Variants in ELP3 observed in about 807,000 individuals in gnomAD.
The protein encoded by ELP3 is elongator complex protein 3.
Under a neutral mutation model 74.9 loss-of-function variants are expected in ELP3, and 56 were observed. That is an observed-to-expected ratio of 0.75 (90% CI 0.60 to 0.93). The LOEUF is 0.93. Ranked by LOEUF, ELP3 falls within the 40% of genes least tolerant of loss-of-function variation. The pLI is 0.00. For missense variants in ELP3, 573 were observed against 686.5 expected, an observed-to-expected ratio of 0.83 and a Z score of 1.85; for synonymous variants, 222 against 239.8, an observed-to-expected ratio of 0.93 and a Z score of 0.68.
At chr8:28,149,051 A>C (rs1813542465) in intron 10 of ELP3, among the ~76,000 whole-genome samples, 1 of 152,226 alleles carries the variant, frequency 6.6e-6, no homozygotes, top group South Asian at 2.1e-4. Flanking sequence ...AGAAGGCACC[A>C]TCTGTGAGAA....
intron 14 of ELP3, among the ~76,000 whole-genome samples, chr8:28,176,585 A>C (rs1814765090): frequency 6.6e-6 from 1 of 152,214 alleles, no homozygotes; most frequent in East Asian, 1.9e-4. Flanking sequence ...TAAGTATCTT[A>C]CCAAGTTCCA....
chr8:28,136,717 T>G (rs1001465147), intron 9 of ELP3, among the ~76,000 whole-genome samples: 3 of 152,182 alleles, frequency 2.0e-5, no homozygotes, highest in Non-Finnish European at 4.4e-5. Context: ...GTGGCAAAGA[T>G]AAAAAGTATT....
At chr8:28,131,269 G>T (rs1812777603) in intron 8 of ELP3, among the ~76,000 whole-genome samples, 1 of 152,330 alleles carries the variant, frequency 6.6e-6, no homozygotes, top group East Asian at 1.9e-4. Context: ...TTGCTTTAGA[G>T]CAGGGCTAGG....
chr8:28,142,815 G>C (rs141268281), intron 10 of ELP3, among the ~76,000 whole-genome samples: 3 of 151,864 alleles, frequency 2.0e-5, no homozygotes, highest in Non-Finnish European at 4.4e-5. Flanking sequence ...TGTAGTTTTG[G>C]TGCTTTTAAC....
intron 3 of ELP3, among the ~76,000 whole-genome samples, chr8:28,105,231 A>T (rs1811641690): frequency 6.6e-6 from 1 of 151,922 alleles, no homozygotes; most frequent in African/African-American, 2.4e-5. Flanking sequence ...AAAAAAAAAA[A>T]TACAAAAAAT....
chr8:28,163,524 C>CT (rs3081780), intron 14 of ELP3, among the ~76,000 whole-genome samples: 149 of 137,922 alleles, frequency 1.1e-3, no homozygotes, highest in Middle Eastern at 4.1e-3. Context: ...ATTCCTAAAG[C>CT]TTTTTTTTTT....
chr8:28,187,209 T>C (rs1815275728), intron 14 of ELP3, among the ~76,000 whole-genome samples: 1 of 152,152 alleles, frequency 6.6e-6, no homozygotes, highest in African/African-American at 2.4e-5. Context: ...AGGCTCTGGG[T>C]ACTTTTCACC....
chr8:28,156,660 C>T (rs1198096706), intron 11 of ELP3, among the ~76,000 whole-genome samples: 5 of 152,088 alleles, frequency 3.3e-5, no homozygotes, highest in African/African-American at 9.7e-5. Flanking sequence ...GACCAAGGGC[C>T]GACTCCTGGG....
At chr8:28,120,381 C>A (rs952385562) in intron 7 of ELP3, among the ~76,000 whole-genome samples, 1 of 152,110 alleles carries the variant, frequency 6.6e-6, no homozygotes, top group Non-Finnish European at 1.5e-5. Flanking sequence ...GAGTATATTT[C>A]CTTTGTGAAG....
chr8:28,092,236 T>C (rs1246510896), upstream of ELP3, among the ~76,000 whole-genome samples: 7 of 152,128 alleles, frequency 4.6e-5, no homozygotes, highest in Non-Finnish European at 1.0e-4. Flanking sequence ...TTTTTGTTGT[T>C]GTTGTTGTTG....
intron 12 of ELP3, among the ~76,000 whole-genome samples, chr8:28,159,631 C>T (rs982862726): frequency 1.3e-5 from 2 of 152,190 alleles, no homozygotes; most frequent in African/African-American, 4.8e-5. Flanking sequence ...AGACTGCTAC[C>T]ACAAAGCTTC....
intron 10 of ELP3, among the ~76,000 whole-genome samples, chr8:28,138,909 T>C (rs1445694479): frequency 6.6e-6 from 1 of 152,238 alleles, no homozygotes; most frequent in Non-Finnish European, 1.5e-5. Context: ...GAGATTTTAA[T>C]AGAAAAATCA....
chr8:28,106,777 T>C lies in ELP3; in HGVS notation c.323T>C (p.Ile108Thr). ...RCPHISFTGN[I>T]CVYCPGGPDS... is the part of the protein sequence containing the mutation. ...CCACACATCAGTTTTACAGGAAATA[T>C]ATGTGTGTAAGTATGGTGATTTTAT... The change falls in exon 4 of 15, where the codon ATA becomes ACA. Residue 108 changes from isoleucine to threonine, a missense_variant. Transcript: ENST00000256398. The C allele has an allele frequency of 6.2e-7, 1 of 1,611,536 alleles. No individual in the cohort carries two copies. Among genetic ancestry groups the C allele is most frequent in the Non-Finnish European group, 8.5e-7 (1 of 1,178,828 alleles).
At chr8:28,104,617 T>C (rs926352654) in intron 3 of ELP3, among the ~76,000 whole-genome samples, 57 of 152,228 alleles carry the variant, frequency 3.7e-4, no homozygotes, top group African/African-American at 1.3e-3. Context: ...TTGTAGCACG[T>C]CCCTCAGTGT....
intron 7 of ELP3, among the ~76,000 whole-genome samples, chr8:28,115,875 A>G (rs915833524): frequency 2.6e-5 from 4 of 152,170 alleles, no homozygotes; most frequent in Non-Finnish European, 5.9e-5. Context: ...TACCACCCTC[A>G]GGCTTTTCTC....
At chr8:28,175,819 T>TC (rs1320300912) in intron 14 of ELP3, among the ~76,000 whole-genome samples, 1 of 145,624 alleles carries the variant, frequency 6.9e-6, no homozygotes, top group Non-Finnish European at 1.5e-5. Context: ...ACTTTTTTTT[T>TC]TTTTTTTTTT....
At chr8:28,110,626 T>C in intron 6 of ELP3, 188 bp downstream of exon 6, 1 of 545,300 alleles carries the variant, frequency 1.8e-6, no homozygotes, top group Non-Finnish European at 3.2e-6. Context: ...CACTACTTTC[T>C]TTAAAGACTG....
chr8:28,156,879 A>G (rs1221464350), intron 11 of ELP3, among the ~76,000 whole-genome samples: 1 of 152,164 alleles, frequency 6.6e-6, no homozygotes. Flanking sequence ...GTTTCAGAAG[A>G]TTGTTCAGGG....
chr8:28,098,892 G>C (rs1447942894), intron 2 of ELP3, among the ~76,000 whole-genome samples: 3 of 152,182 alleles, frequency 2.0e-5, no homozygotes, highest in African/African-American at 4.8e-5. Flanking sequence ...GCACACATCA[G>C]ATTCCTCCCT....
Sources: gnomAD v4.1 joint callset for allele counts (sites outside exome capture counted in the v4.1 genomes callset) on GRCh38, gnomAD v4.1.1 for gene constraint, MANE v1.5 for transcripts, NCBI Gene and HGNC (gene_info 2026-07-23, HGNC 2026-07-21) for gene names.